The following SLC22A25 variants were observed in gnomAD, a reference collection of about 807,000 sequenced individuals.
The protein encoded by SLC22A25 is solute carrier family 22 member 25.
A neutral mutation model predicts 45.9 loss-of-function variants in SLC22A25; 44 were observed. The observed-to-expected ratio is 0.96, with a 90% CI of 0.75 to 1.23. The LOEUF is 1.23. Among genes scored for constraint, SLC22A25 ranks in the 50% most tolerant of loss-of-function variants. The probability of loss-of-function intolerance (pLI) is 0.00; values close to 1 mark genes in which losing one functional copy is unlikely to be tolerated. For missense variants in SLC22A25, 800 were observed against 666.4 expected, an observed-to-expected ratio of 1.20 and a Z score of -2.21; for synonymous variants, 283 against 238.6, an observed-to-expected ratio of 1.19 and a Z score of -1.72.
intron 9 of SLC22A25, among the ~76,000 whole-genome samples, chr11:63,169,587 A>G (rs527254377): frequency 9.2e-5 from 14 of 152,350 alleles, no homozygotes; most frequent in African/African-American, 3.4e-4. Flanking sequence ...ACATAATGAT[A>G]AAGGAATCAA....
chr11:63,213,157 T>G (rs1340507416), intron 7 of SLC22A25, among the ~76,000 whole-genome samples: 3 of 152,170 alleles, frequency 2.0e-5, no homozygotes. Context: ...TGTGGCAGGA[T>G]TCTGCCGAAT....
intron 7 of SLC22A25, among the ~76,000 whole-genome samples, chr11:63,187,461 T>A (rs2088604840): frequency 6.6e-6 from 1 of 152,186 alleles, no homozygotes; most frequent in South Asian, 2.1e-4. Context: ...ACAATGGGGT[T>A]TTCTAGATAT....
intron 5 of SLC22A25, among the ~76,000 whole-genome samples, chr11:63,225,987 T>C (rs1280476541): frequency 6.6e-6 from 1 of 152,194 alleles, no homozygotes; most frequent in Non-Finnish European, 1.5e-5. Flanking sequence ...TTCTTGATTC[T>C]TTTTAATTAT....
At position 63,213,240 on chromosome 11, in the gene SLC22A25, C is replaced by A. The variant is rs552926757; in HGVS notation, c.830+4074G>T. Among the ~76,000 whole-genome samples the A allele has an allele frequency of 1.8e-4, 27 of 152,264 alleles. No individual in the cohort carries two copies. The South Asian group carries it at 5.4e-3, about 30-fold the overall frequency. On this transcript the variant is annotated intron_variant, in intron 7 of 11. Transcript: ENST00000306494. ...GGCTATCAAAGGAAAGGAAAGAGAG[C>A]CCCTCCTATGGGAAAAGGAACAGGA...
intron 3 of SLC22A25, among the ~76,000 whole-genome samples, chr11:63,231,183 G>T (rs185004761): frequency 6.6e-6 from 1 of 152,302 alleles, no homozygotes; most frequent in East Asian, 1.9e-4. Flanking sequence ...GGATGGCTGG[G>T]TCAAATGGTA....
chr11:63,224,723 T>C (rs1213649053), intron 5 of SLC22A25, among the ~76,000 whole-genome samples: 1 of 152,254 alleles, frequency 6.6e-6, no homozygotes. Context: ...AGAAAACTAA[T>C]ACAACTGCAT....
At chr11:63,174,231 T>C (rs2088002698) in intron 9 of SLC22A25, among the ~76,000 whole-genome samples, 1 of 151,780 alleles carries the variant, frequency 6.6e-6, no homozygotes, top group South Asian at 2.1e-4. Flanking sequence ...GGACATGAAC[T>C]CATCCTTTTT....
At chr11:63,164,241 C>T (rs1367162377) in intron 11 of SLC22A25, among the ~76,000 whole-genome samples, 168 bp from the exon 12 acceptor site, 1 of 152,156 alleles carries the variant, frequency 6.6e-6, no homozygotes, top group Non-Finnish European at 1.5e-5. Context: ...TTTAGATTCA[C>T]AAGTGAATTA....
chr11:63,181,893 G>T (rs1032372781), intron 8 of SLC22A25, among the ~76,000 whole-genome samples: 7 of 151,996 alleles, frequency 4.6e-5, no homozygotes, highest in African/African-American at 1.7e-4. Context: ...TAAAAATTTT[G>T]ATCTCCATGT....
At chr11:63,206,195 AG>A in intron 7 of SLC22A25, among the ~76,000 whole-genome samples, 1 of 152,352 alleles carries the variant, frequency 6.6e-6, no homozygotes, top group Non-Finnish European at 1.5e-5. Flanking sequence ...AATGGGCAAA[AG>A]CTGGAAGCAT....
chr11:63,177,351 AGT>A (rs58040188), intron 9 of SLC22A25, among the ~76,000 whole-genome samples: 3,910 of 149,724 alleles, frequency 0.026, 138 homozygotes, highest in African/African-American at 0.087. Flanking sequence ...TCATCATTTG[AGT>A]GTGTGTGTGT....
At chr11:63,194,650 A>C (rs1199961229) in intron 7 of SLC22A25, among the ~76,000 whole-genome samples, 1 of 152,074 alleles carries the variant, frequency 6.6e-6, no homozygotes, top group Admixed American at 6.6e-5. Context: ...AAGAAACTGC[A>C]TCAACTAACG....
At position 63,163,652 on chromosome 11, in the gene SLC22A25, G is replaced by A. The variant is rs1565054750; in HGVS notation, c.*172C>T. ...CACAAATTAACCTCCTGGACAGGCT[G>A]GGCAGAGATGGTCTGTGTGATCTAG... On this transcript the variant is annotated 3_prime_UTR_variant, in exon 12 of 12. Transcript: ENST00000306494. 1.7e-5 allele frequency: 16 copies of A among 958,140 alleles called. No individual in the cohort carries two copies. The highest frequency in any genetic ancestry group is 7.4e-6 in the Non-Finnish European group (5 of 674,574). 59.4% of individuals were successfully genotyped at this position (958,140 alleles called of 1,614,324 possible). A position where few individuals can be genotyped will look rare whatever the true frequency, so the allele number is the denominator to read the frequency against.
At chr11:63,198,923 T>A (rs1199794476) in intron 7 of SLC22A25, among the ~76,000 whole-genome samples, 1 of 152,018 alleles carries the variant, frequency 6.6e-6, no homozygotes, top group Admixed American at 6.6e-5. Flanking sequence ...AGGTGGAAAT[T>A]TATAGTACTA....
At chr11:63,186,893 C>T (rs2088574313) in intron 7 of SLC22A25, among the ~76,000 whole-genome samples, 1 of 151,892 alleles carries the variant, frequency 6.6e-6, no homozygotes, top group African/African-American at 2.4e-5. Context: ...TGTTCTGTTC[C>T]ATTGGTCTAT....
At chr11:63,213,792 C>G (rs1449944858) in intron 7 of SLC22A25, among the ~76,000 whole-genome samples, 1 of 152,148 alleles carries the variant, frequency 6.6e-6, no homozygotes, top group Non-Finnish European at 1.5e-5. Context: ...CCGGGAAGAT[C>G]TCAGAGATAC....
rs530014376 is a variant in SLC22A25 at position 63,159,768 on chromosome 11, C to T, written c.*4056G>A. 6.6e-6 allele frequency among the ~76,000 whole-genome samples: 1 copy of T among 152,268 alleles called. No individual in the cohort carries two copies. The highest frequency in any genetic ancestry group is 6.5e-5 in the Admixed American group (1 of 15,298). ...TGGAAAGTTTGGAACTTCCTAGAGA[C>T]TTGTTGAATGGCTTTGACTGAAATG... is the stretch of plus-strand genomic sequence containing the variant. On this transcript the variant is annotated 3_prime_UTR_variant, in exon 12 of 12. Transcript: ENST00000306494.
intron 7 of SLC22A25, among the ~76,000 whole-genome samples, chr11:63,204,748 T>C (rs2089349770): frequency 6.6e-6 from 1 of 152,160 alleles, no homozygotes. Flanking sequence ...ATTAGATAGA[T>C]CAATGAGACA....
chr11:63,180,668 G>A lies in SLC22A25; in HGVS notation c.1062C>T (p.Ser354=). 2 of 1,610,320 alleles carry A rather than the reference G, an allele frequency of 1.2e-6. No homozygotes were observed. The highest frequency in any genetic ancestry group is 3.4e-5 in the Admixed American group (2 of 59,348). ...CACTGCATGAAACTTACCTCACAAAGGACAGGAAACAGATTCTTTTACATA... is the reference window on the plus strand; with the variant it reads ...CACTGCATGAAACTTACCTCACAAAAGACAGGAAACAGATTCTTTTACATA... ...PNICKRICFL[S]FVRFASTIPF... Residue 354 remains serine (S), a synonymous_variant, in exon 9 of 12, where the codon TCC becomes TCT. Transcript: ENST00000306494.
Sources: gnomAD v4.1 joint callset for allele counts (sites outside exome capture counted in the v4.1 genomes callset) on GRCh38, gnomAD v4.1.1 for gene constraint, MANE v1.5 for transcripts, NCBI Gene and HGNC (gene_info 2026-07-23, HGNC 2026-07-21) for gene names.